The following LUZP1 variants were observed in gnomAD, a reference collection of about 807,000 sequenced individuals.
LUZP1 encodes filamin mechanobinding actin cross-linking protein.
Under a neutral mutation model 71.3 loss-of-function variants are expected in LUZP1, and 25 were observed. The observed-to-expected ratio is 0.35, with a 90% CI of 0.26 to 0.49. The LOEUF is 0.49. Among genes scored for constraint, LUZP1 ranks in the 20% least tolerant of loss-of-function variants. The pLI is 0.99. For synonymous variants in LUZP1, 481 were observed against 506.4 expected, an observed-to-expected ratio of 0.95 and a Z score of 0.67; for missense variants, 1,142 against 1,300.8, an observed-to-expected ratio of 0.88 and a Z score of 1.88.
intron 2 of LUZP1, among the ~76,000 whole-genome samples, chr1:23,111,626 G>A (rs192689879): frequency 1.3e-5 from 2 of 152,016 alleles, no homozygotes; most frequent in South Asian, 4.1e-4. Context: ...GTGGATGTGG[G>A]GGAAGCTTTA....
chr1:23,157,218 G>GCTA (rs1226742190), intron 2 of LUZP1, among the ~76,000 whole-genome samples: 1 of 152,150 alleles, frequency 6.6e-6, no homozygotes, highest in Admixed American at 6.5e-5. Context: ...TATAGTCCTA[G>GCTA]CTACTAGGGA....
intron 3 of LUZP1, among the ~76,000 whole-genome samples, chr1:23,101,913 T>A (rs1264612280): frequency 6.6e-6 from 1 of 152,206 alleles, no homozygotes; most frequent in Non-Finnish European, 1.5e-5. Context: ...TAGAAAATCT[T>A]ACCCTTGCCT....
chr1:23,165,705 C>T (rs1644504342), intron 2 of LUZP1, among the ~76,000 whole-genome samples: 1 of 152,144 alleles, frequency 6.6e-6, no homozygotes, highest in Admixed American at 6.5e-5. Context: ...ATTTGCTATG[C>T]ATCTATTATA....
chr1:23,117,016 G>A (rs1644084774), intron 2 of LUZP1, among the ~76,000 whole-genome samples: 1 of 152,178 alleles, frequency 6.6e-6, no homozygotes, highest in South Asian at 2.1e-4. Flanking sequence ...TAGAGAGCCT[G>A]AGTGAAAAAG....
chr1:23,138,709 A>G (rs767970959), intron 2 of LUZP1, among the ~76,000 whole-genome samples: 22,363 of 140,068 alleles, frequency 0.16, 1,733 homozygotes, highest in East Asian at 0.25. Flanking sequence ...ATATATATAT[A>G]TATATAAATG....
chr1:23,109,623 C>T (rs1644011959), intron 2 of LUZP1: 1 of 152,158 alleles, frequency 6.6e-6, no homozygotes, highest in African/African-American at 2.4e-5. Context: ...AATACAGGCA[C>T]ACAATACTCA....
At position 23,094,162 on chromosome 1, in the gene LUZP1, T is replaced by G; in HGVS notation, c.100A>C (p.Thr34Pro). The G allele has an allele frequency of 4.3e-6, 7 of 1,614,200 alleles. No individual in the cohort carries two copies. Among genetic ancestry groups the G allele is most frequent in the Middle Eastern group, 1.6e-4 (1 of 6,062 alleles). ...TCCTCTGCTTTCTGGAGGTTTTTTG[T>G]GGCTTCCTCCAACTCATCAAGGCGG... The change falls in exon 4 of 5, where the codon ACA becomes CCA. Residue 34 changes from threonine to proline, a missense_variant. Thr to Pro is a conservative substitution (Grantham distance 38). Transcript: ENST00000302291. The surrounding 1 kb of genome is among the most constrained non-coding windows in gnomAD (Gnocchi z 4.7).
Position 23,122,022 on chromosome 1 carries a change from AAATTAATT to A in LUZP1, c.-225-12903_-225-12896del, listed in dbSNP as rs1185457469. ...GCAAGAGTCTGTCTTAAAAATAAAT[AAATTAATT>A]AATTAATTAATTAATTTTAAAAAGA... On this transcript the variant is annotated intron_variant, in intron 2 of 4. Transcript: ENST00000302291. Among the ~76,000 whole-genome samples the A allele has an allele frequency of 3.3e-5, 5 of 151,952 alleles. No homozygotes were observed. In the East Asian group the frequency reaches 7.7e-4, roughly 23 times the overall value.
intron 2 of LUZP1, among the ~76,000 whole-genome samples, chr1:23,167,387 TC>T (rs1165114722): frequency 6.6e-6 from 1 of 151,276 alleles, no homozygotes; most frequent in African/African-American, 2.4e-5. Flanking sequence ...GGCAGGGAGG[TC>T]CAGAGAGTAT....
chr1:23,120,493 C>A (rs984623177), intron 2 of LUZP1, among the ~76,000 whole-genome samples: 2 of 151,892 alleles, frequency 1.3e-5, no homozygotes, highest in Admixed American at 1.3e-4. Flanking sequence ...TCCCAAGTAT[C>A]TGTGCACCAA....
chr1:23,123,375 C>T (rs1156809825), intron 2 of LUZP1, among the ~76,000 whole-genome samples: 1 of 151,820 alleles, frequency 6.6e-6, no homozygotes, highest in Non-Finnish European at 1.5e-5. Flanking sequence ...GCCTGTAGTC[C>T]CAGCTACTCA....
At chr1:23,178,073 T>C (rs1285629396), upstream of LUZP1, among the ~76,000 whole-genome samples, 2 of 152,080 alleles carry the variant, frequency 1.3e-5, no homozygotes, top group African/African-American at 4.8e-5. Flanking sequence ...CGCGATCAAG[T>C]GGGCATGATG....
chr1:23,161,717 A>T (rs1382458071), intron 2 of LUZP1, among the ~76,000 whole-genome samples: 1 of 152,192 alleles, frequency 6.6e-6, no homozygotes, highest in Non-Finnish European at 1.5e-5. Flanking sequence ...ACAGGGCATT[A>T]TAGGTCAAAA....
chr1:23,126,730 T>C lies in LUZP1; in HGVS notation c.-225-17603A>G, dbSNP rs148658906. 8.0e-3 allele frequency among the ~76,000 whole-genome samples: 1,223 copies of C among 152,312 alleles called. 10 individuals carry two copies. The highest frequency in any genetic ancestry group is 0.014 in the Middle Eastern group (4 of 294). ...TATTGACCATACTGTCAGCTGTACCTTTCATCCTGGATGGCCATTCTTGCT... is the reference window on the plus strand; with the variant it reads ...TATTGACCATACTGTCAGCTGTACCCTTCATCCTGGATGGCCATTCTTGCT... On this transcript the variant is annotated intron_variant, in intron 2 of 4. Transcript: ENST00000302291.
exon 5 of LUZP1, chr1:23,084,398 T>C (rs964561233): frequency 5.1e-4 from 78 of 152,036 alleles, no homozygotes; most frequent in African/African-American, 1.9e-3. Context: ...CATCATCACA[T>C]TGCCTTCTCC....
At position 23,159,964 on chromosome 1, in the gene LUZP1, C is replaced by T. The variant is rs182313067; in HGVS notation, c.-226+8802G>A. Among the ~76,000 whole-genome samples the T allele has an allele frequency of 3.4e-3, 517 of 152,252 alleles. 4 individuals carry two copies. Among genetic ancestry groups the T allele is most frequent in the African/African-American group, 0.012 (482 of 41,542 alleles). On this transcript the variant is annotated intron_variant, in intron 2 of 4. Transcript: ENST00000302291. ...TCACGCCACTGCACTCCAGCATGGG[C>T]AACAAGGGTAAAATTCCGTCTCAAA...
At chr1:23,124,667 A>G (rs1017624159) in intron 2 of LUZP1, among the ~76,000 whole-genome samples, 4 of 152,192 alleles carry the variant, frequency 2.6e-5, no homozygotes, top group African/African-American at 9.7e-5. Context: ...GACTACTAGA[A>G]TGGAAAGACT....
chr1:23,169,927 A>T (rs185431839), intron 1 of LUZP1, among the ~76,000 whole-genome samples: 1 of 151,994 alleles, frequency 6.6e-6, no homozygotes, highest in East Asian at 1.9e-4. Flanking sequence ...TTGCCTATGG[A>T]ATAAAGGCCA....
intron 1 of LUZP1, among the ~76,000 whole-genome samples, chr1:23,174,641 T>A (rs1644572212): frequency 6.6e-6 from 1 of 152,198 alleles, no homozygotes; most frequent in Non-Finnish European, 1.5e-5. Flanking sequence ...CAATTTAATT[T>A]TTTACATGTA....
Sources: gnomAD v4.1 joint callset for allele counts (sites outside exome capture counted in the v4.1 genomes callset) on GRCh38, gnomAD v4.1.1 for gene constraint, Gnocchi (gnomAD v3.1) non-coding constraint, MANE v1.5 for transcripts, NCBI Gene and HGNC (gene_info 2026-07-23, HGNC 2026-07-21) for gene names.